Variants in EPS15 observed in about 807,000 individuals in gnomAD.
EPS15 encodes epidermal growth factor receptor substrate 15.
A neutral mutation model predicts 113.8 loss-of-function variants in EPS15; 72 were observed. That is an observed-to-expected ratio of 0.63 (90% confidence interval 0.52 to 0.77). EPS15 has a LOEUF of 0.77. Among genes scored for constraint, EPS15 ranks in the 30% least tolerant of loss-of-function variants. EPS15 has a pLI of 0.00. For synonymous variants in EPS15, 344 were observed against 363.4 expected (o/e 0.95, Z 0.61); for missense variants, 1,048 against 1,045.8 (o/e 1.00, Z -0.03).
chr1:51,463,592 A>C, intron 7 of EPS15, 81 bp downstream of exon 7: 1 of 709,324 alleles, frequency 1.4e-6, no homozygotes, highest in Non-Finnish European at 2.2e-6. Flanking sequence ...ATTTTTAACA[A>C]AGAGTTATAC....
At chr1:51,403,642 G>GT in intron 16 of EPS15, 110 bp from the exon 17 acceptor site, 4 of 559,018 alleles carry the variant, frequency 7.2e-6, no homozygotes, top group Non-Finnish European at 9.4e-6. Flanking sequence ...CAAGCAGAAT[G>GT]TATTCATCAA....
At chr1:51,436,161 G>A (rs925374744) in intron 12 of EPS15, among the ~76,000 whole-genome samples, 41 of 152,202 alleles carry the variant, frequency 2.7e-4, no homozygotes, top group Non-Finnish European at 1.3e-4. Context: ...GTGAGAGGTG[G>A]CTAAGACAGA....
chr1:51,364,500 A>ATT (rs11386357), intron 22 of EPS15, among the ~76,000 whole-genome samples: 1,536 of 146,894 alleles, frequency 0.01, 18 homozygotes, highest in African/African-American at 0.036. Flanking sequence ...TTGAAAGTCA[A>ATT]TTTTTTTTTT....
chr1:51,468,639 C>A, intron 4 of EPS15, 71 bp from the exon 5 acceptor site: 1 of 935,438 alleles, frequency 1.1e-6, no homozygotes, highest in Non-Finnish European at 1.7e-6. Flanking sequence ...CAAATACTTA[C>A]AATCTAAAAA....
At chr1:51,416,246 C>T (rs1425339993) in intron 13 of EPS15, among the ~76,000 whole-genome samples, 1 of 152,136 alleles carries the variant, frequency 6.6e-6, no homozygotes, top group African/African-American at 2.4e-5. Flanking sequence ...AGACTCAGCA[C>T]TATCAAATGC....
intron 5 of EPS15, 133 bp downstream of exon 5, chr1:51,468,340 G>T: frequency 1.4e-6 from 1 of 691,484 alleles, no homozygotes; most frequent in Non-Finnish European, 2.6e-6. Context: ...AGCCAGTAGG[G>T]GGAAAAAAGC....
At chr1:51,369,120 T>TTCTA (rs1186391303) in intron 21 of EPS15, among the ~76,000 whole-genome samples, 1 of 152,236 alleles carries the variant, frequency 6.6e-6, no homozygotes, top group African/African-American at 2.4e-5. Context: ...GAAGCATATA[T>TTCTA]TGTGAACAAA....
intron 21 of EPS15, among the ~76,000 whole-genome samples, chr1:51,381,955 AT>A (rs1646950780): frequency 6.6e-6 from 1 of 152,184 alleles, no homozygotes; most frequent in Admixed American, 6.5e-5. Flanking sequence ...AATAATAAAA[AT>A]TGGAGCAGAG....
intron 1 of EPS15, among the ~76,000 whole-genome samples, chr1:51,505,418 A>G (rs1444654825): frequency 6.6e-6 from 1 of 152,264 alleles, no homozygotes; most frequent in African/African-American, 2.4e-5. Flanking sequence ...GAAGGCAGTC[A>G]TAAGAGTATA....
intron 1 of EPS15, among the ~76,000 whole-genome samples, chr1:51,491,487 A>G (rs994684180): frequency 1.3e-5 from 2 of 152,220 alleles, no homozygotes; most frequent in South Asian, 2.1e-4. Flanking sequence ...TAGGCTATCC[A>G]TATCTAGAAA....
Position 51,361,243 on chromosome 1 carries a change from A to G in EPS15, c.2472T>C (p.Cys824=). The part of the protein sequence containing the change: ...SPKEKDPEIF[C]DPFTSATTTT... ...TGGTAGTAGCAGAAGTGAATGGATC[A>G]CAAAATATTTCAGGATCTTTTTCTT... Residue 824 remains cysteine (C), a synonymous_variant, in exon 24 of 25, where the codon TGT becomes TGC. Coordinates refer to ENST00000371733, the MANE Select transcript of EPS15 (RefSeq NM_001981.3). The G allele has an allele frequency of 1.2e-6, 2 of 1,614,066 alleles. No individual in the cohort carries two copies. The highest frequency in any genetic ancestry group is 8.5e-7 in the Non-Finnish European group (1 of 1,179,942).
In EPS15 at chr1:51,384,012, T is replaced by C. The variant is rs139906890; in HGVS notation, c.2119+10369A>G. The stretch of plus-strand genomic sequence containing the variant: ...TACAACAGCATCAAAAAGAATGAAA[T>C]ACTTGGGAATTAACCAAGGAGGACT... On this transcript the variant is annotated intron_variant, in intron 21 of 24. Transcript: ENST00000371733. 4.0e-3 allele frequency among the ~76,000 whole-genome samples: 606 copies of C among 152,196 alleles called. 5 individuals are homozygous for C. The highest frequency in any genetic ancestry group is 0.015 in the South Asian group (74 of 4,820).
chr1:51,479,576 T>TC (rs147783829), intron 2 of EPS15, among the ~76,000 whole-genome samples: 8,822 of 152,196 alleles, frequency 0.058, 811 homozygotes, highest in African/African-American at 0.2. Context: ...CTCTGGTTTC[T>TC]CCCCATCAAT....
At chr1:51,377,616 C>T (rs1034466508) in intron 21 of EPS15, among the ~76,000 whole-genome samples, 5 of 152,074 alleles carry the variant, frequency 3.3e-5, no homozygotes, top group African/African-American at 4.8e-5. Context: ...AAATTTAGTT[C>T]GTGAAGCAGT....
chr1:51,495,716 A>G (rs1050763734), intron 1 of EPS15, among the ~76,000 whole-genome samples: 5 of 152,176 alleles, frequency 3.3e-5, no homozygotes, highest in African/African-American at 1.2e-4. Context: ...TTATTTAAAC[A>G]ATAATGACAG....
At chr1:51,501,972 A>G (rs1557530395) in intron 1 of EPS15, among the ~76,000 whole-genome samples, 4 of 152,140 alleles carry the variant, frequency 2.6e-5, no homozygotes. Flanking sequence ...TGTGAATTTA[A>G]AACAACCCTC....
intron 7 of EPS15, chr1:51,461,667 T>G (rs1014479938): frequency 7.2e-5 from 11 of 151,968 alleles, no homozygotes; most frequent in African/African-American, 2.7e-4. Flanking sequence ...GTTTAAGTAA[T>G]AAAATAACAA....
Position 51,447,232 on chromosome 1 carries a change from A to G in EPS15, c.652-127T>C, listed in dbSNP as rs1037546243. ...TCTACCCTACTAACTCAGAGCAACA[A>G]TGTATCACTTCCATATGACATCTCA... On this transcript the variant is annotated intron_variant, in intron 9 of 24. Coordinates refer to ENST00000371733, the MANE Select transcript of EPS15 (RefSeq NM_001981.3). 2.6e-5 allele frequency: 19 copies of G among 719,094 alleles called. No individual in the cohort carries two copies. The East Asian group carries it at 4.9e-4, about 19-fold the overall frequency. The allele number at this position is 719,094 out of a possible 1,614,324, so 44.5% of individuals were successfully genotyped here. A position where few individuals can be genotyped will look rare whatever the true frequency, so the allele number is the denominator to read the frequency against.
At chr1:51,387,549 A>G (rs1381594787) in intron 21 of EPS15, among the ~76,000 whole-genome samples, 1 of 152,198 alleles carries the variant, frequency 6.6e-6, no homozygotes, top group Admixed American at 6.5e-5. Context: ...GTCAAGACCC[A>G]TTAGTGTGCT....
Sources: gnomAD v4.1 joint callset for allele counts (sites outside exome capture counted in the v4.1 genomes callset) on GRCh38, gnomAD v4.1.1 for gene constraint, MANE v1.5 for transcripts, NCBI Gene and HGNC (gene_info 2026-07-23, HGNC 2026-07-21) for gene names.